SUGCT: variants seen among roughly 807,000 people sequenced by gnomAD.
SUGCT encodes succinyl-CoA:glutarate CoA-transferase.
A neutral mutation model predicts 55.0 loss-of-function variants in SUGCT; 41 were observed. That is an observed-to-expected ratio of 0.74 (90% confidence interval 0.58 to 0.97). The LOEUF (loss-of-function observed/expected upper bound fraction) is 0.97. SUGCT is among the 50% of genes least tolerant of loss of function. The probability of loss-of-function intolerance (pLI) is 0.00; values close to 1 mark genes in which losing one functional copy is unlikely to be tolerated. For missense variants in SUGCT, 568 were observed against 547.8 expected (o/e 1.04, Z -0.37); for synonymous variants, 187 against 200.4 (o/e 0.93, Z 0.56).
intron 12 of SUGCT, among the ~76,000 whole-genome samples, chr7:40,506,260 T>C (rs770044155): frequency 9.2e-5 from 14 of 152,124 alleles, no homozygotes; most frequent in Non-Finnish European, 1.6e-4. Flanking sequence ...AAAAATATTT[T>C]GCTGGGTATG....
intron 9 of SUGCT, among the ~76,000 whole-genome samples, chr7:40,379,881 T>C (rs1192352801): frequency 6.6e-6 from 1 of 152,150 alleles, no homozygotes; most frequent in Non-Finnish European, 1.5e-5. Context: ...AACAGGAATA[T>C]GGTGGTAGCT....
chr7:40,545,392 T>C (rs181477810), intron 12 of SUGCT, among the ~76,000 whole-genome samples: 232 of 152,344 alleles, frequency 1.5e-3, no homozygotes, highest in African/African-American at 5.1e-3. Flanking sequence ...ACTTTTTGTT[T>C]TACTGGTTTA....
At chr7:40,704,545 G>T (rs1409338523) in intron 12 of SUGCT, among the ~76,000 whole-genome samples, 1 of 152,114 alleles carries the variant, frequency 6.6e-6, no homozygotes, top group African/African-American at 2.4e-5. Flanking sequence ...TCAGCTGTCA[G>T]GGTCAATGGC....
At chr7:40,262,848 A>G (rs1791319544) in intron 7 of SUGCT, among the ~76,000 whole-genome samples, 1 of 152,210 alleles carries the variant, frequency 6.6e-6, no homozygotes, top group Admixed American at 6.5e-5. Context: ...AAAAGAACAG[A>G]AGCTTTTGGA....
At chr7:40,790,126 A>G (rs1790232327) in intron 13 of SUGCT, among the ~76,000 whole-genome samples, 1 of 152,218 alleles carries the variant, frequency 6.6e-6, no homozygotes, top group Non-Finnish European at 1.5e-5. Context: ...CTCATTTTGA[A>G]TTAATCGTAG....
At chr7:40,196,976 G>A (rs764956026) in intron 6 of SUGCT, among the ~76,000 whole-genome samples, 1 of 151,966 alleles carries the variant, frequency 6.6e-6, no homozygotes, top group Middle Eastern at 3.4e-3. Flanking sequence ...ATGGGATTAC[G>A]GGCATGTACC....
At chr7:40,563,245 T>G (rs1795939160) in intron 12 of SUGCT, among the ~76,000 whole-genome samples, 2 of 152,222 alleles carry the variant, frequency 1.3e-5, no homozygotes, top group African/African-American at 4.8e-5. Context: ...CTTGAAAATT[T>G]GTAAAAATTT....
At chr7:40,440,725 A>G (rs1385479108) in intron 9 of SUGCT, among the ~76,000 whole-genome samples, 3 of 152,004 alleles carry the variant, frequency 2.0e-5, no homozygotes, top group Non-Finnish European at 4.4e-5. Context: ...CCAAGACAAC[A>G]TTATGTCCAC....
the SUGCT span, among the ~76,000 whole-genome samples, chr7:41,003,740 G>A: frequency 1.3e-5 from 2 of 152,268 alleles, no homozygotes; most frequent in Middle Eastern, 3.4e-3. Flanking sequence ...AGTGTTCCAA[G>A]CAATGCTGCC....
In SUGCT at chr7:40,678,041, C is replaced by T. The variant is rs529339054; in HGVS notation, c.1090-71393C>T. 7.2e-5 allele frequency among the ~76,000 whole-genome samples: 11 copies of T among 152,284 alleles called. No individual in the cohort carries two copies. The East Asian group carries it at 7.7e-4, about 11-fold the overall frequency. ...AGTAAACCTCTCCACAGGGCACAGC[C>T]GCTGGCTTCCTCCAGAGAAAATGAT... On this transcript the variant is annotated intron_variant, in intron 12 of 13. Transcript: ENST00000335693.
chr7:40,506,720 A>G (rs997585121), intron 12 of SUGCT, among the ~76,000 whole-genome samples: 3 of 151,576 alleles, frequency 2.0e-5, no homozygotes, highest in Non-Finnish European at 4.4e-5. Flanking sequence ...ATTTTTCTCC[A>G]ATCTTTTTTG....
chr7:40,233,169 A>C (rs765601666), intron 6 of SUGCT, among the ~76,000 whole-genome samples: 1 of 151,956 alleles, frequency 6.6e-6, no homozygotes, highest in African/African-American at 2.4e-5. Flanking sequence ...TATAAGGTGA[A>C]AATGTGGAAT....
chr7:40,552,102 C>T (rs2151641974), intron 12 of SUGCT, among the ~76,000 whole-genome samples: 1 of 152,312 alleles, frequency 6.6e-6, no homozygotes, highest in East Asian at 1.9e-4. Flanking sequence ...AGCACACTTT[C>T]CCTTAACAGT....
intron 11 of SUGCT, among the ~76,000 whole-genome samples, chr7:40,473,869 A>G (rs1306994561): frequency 6.6e-6 from 1 of 152,164 alleles, no homozygotes; most frequent in African/African-American, 2.4e-5. Flanking sequence ...TGGGTGGCTG[A>G]CAGGGTGGGT....
intron 12 of SUGCT, among the ~76,000 whole-genome samples, chr7:40,613,866 C>T (rs563258588): frequency 9.2e-5 from 14 of 152,308 alleles, no homozygotes; most frequent in Non-Finnish European, 1.6e-4. Context: ...CTCGGCCTCC[C>T]GAAGTGCTGT....
chr7:40,178,945 T>C (rs1247868541), intron 1 of SUGCT, among the ~76,000 whole-genome samples: 2 of 152,202 alleles, frequency 1.3e-5, no homozygotes, highest in Non-Finnish European at 2.9e-5. Flanking sequence ...TTTATTTTTT[T>C]GTTCTGCTCT....
intron 9 of SUGCT, among the ~76,000 whole-genome samples, chr7:40,367,069 G>A (rs1468894206): frequency 3.9e-5 from 6 of 152,128 alleles, no homozygotes; most frequent in East Asian, 1.9e-4. Flanking sequence ...TATACACCAT[G>A]GAATACTATG....
chr7:40,196,059 C>T (rs1046404811), intron 6 of SUGCT, among the ~76,000 whole-genome samples: 5 of 152,022 alleles, frequency 3.3e-5, no homozygotes, highest in Non-Finnish European at 5.9e-5. Flanking sequence ...CATAGGAACC[C>T]AAGGTATCCC....
intron 9 of SUGCT, among the ~76,000 whole-genome samples, chr7:40,439,472 G>A (rs1788380588): frequency 6.6e-6 from 1 of 151,902 alleles, no homozygotes; most frequent in Admixed American, 6.6e-5. Flanking sequence ...TATCCATCTG[G>A]CAACATCCTA....
Sources: gnomAD v4.1 joint callset for allele counts (sites outside exome capture counted in the v4.1 genomes callset) on GRCh38, gnomAD v4.1.1 for gene constraint, MANE v1.5 for transcripts, NCBI Gene and HGNC (gene_info 2026-07-23, HGNC 2026-07-21) for gene names.